Variants in SHMT1 observed in about 807,000 individuals in gnomAD.
SHMT1 encodes the protein serine hydroxymethyltransferase, cytosolic.
SHMT1 carries 45 observed loss-of-function variants against 49.0 expected under a neutral mutation model. That is an observed-to-expected ratio of 0.92 (90% CI 0.72 to 1.18). The LOEUF is 1.18. Among genes scored for constraint, SHMT1 ranks in the 50% most tolerant of loss-of-function variants. The pLI is 0.00. For missense variants in SHMT1, 541 were observed against 612.4 expected (o/e 0.88, Z 1.23); for synonymous variants, 232 against 246.6 (o/e 0.94, Z 0.55).
chr17:18,330,339 T>C (rs1983060307), intron 10 of SHMT1, among the ~76,000 whole-genome samples: 1 of 152,108 alleles, frequency 6.6e-6, no homozygotes, highest in Non-Finnish European at 1.5e-5. Context: ...TTTCACCATT[T>C]TGGCCAGGCT....
chr17:18,340,684 G>T lies in SHMT1; in HGVS notation c.601+48C>A. On this transcript the variant is annotated intron_variant, in intron 6 of 11. Transcript: ENST00000316694. The surrounding 1 kb of genome is among the most constrained non-coding windows in gnomAD (Gnocchi z 4.5). The stretch of plus-strand genomic sequence containing the variant: ...ATCTTTCCATCCTCATTCTGTAAGA[G>T]GCACCAGGCTACTGGTGAACAAGGT... 6.8e-7 allele frequency: 1 copy of T among 1,473,524 alleles called. No individual in the cohort carries two copies. The highest frequency in any genetic ancestry group is 9.4e-7 in the Non-Finnish European group (1 of 1,064,910). The allele number at this position is 1,473,524 out of a possible 1,614,324, so 91.3% of individuals were successfully genotyped here.
intron 7 of SHMT1, among the ~76,000 whole-genome samples, chr17:18,339,175 G>A (rs1436662263): frequency 1.3e-5 from 2 of 151,534 alleles, no homozygotes; most frequent in Non-Finnish European, 2.9e-5. Flanking sequence ...ACCACTAACA[G>A]GCTTTCCCAG....
intron 1 of SHMT1, among the ~76,000 whole-genome samples, chr17:18,361,031 G>A (rs1401593548): frequency 3.3e-5 from 5 of 151,904 alleles, no homozygotes; most frequent in East Asian, 3.9e-4. Flanking sequence ...TTAGCTGGGC[G>A]CAGTGGCTCA....
chr17:18,334,310 A>G (rs1357059551), intron 8 of SHMT1, among the ~76,000 whole-genome samples: 1 of 152,108 alleles, frequency 6.6e-6, no homozygotes, highest in Non-Finnish European at 1.5e-5. Context: ...GCTGGTCTCA[A>G]ACTCCTGGGC....
chr17:18,356,333 C>T (rs557529169), intron 1 of SHMT1, among the ~76,000 whole-genome samples: 16 of 151,018 alleles, frequency 1.1e-4, no homozygotes, highest in Non-Finnish European at 1.6e-4. Context: ...TCAGCCACCG[C>T]GCCCCACCTA....
chr17:18,347,748 G>A (rs1985244563), intron 4 of SHMT1, 92 bp from the exon 5 acceptor site: 1 of 1,448,192 alleles, frequency 6.9e-7, no homozygotes, highest in Non-Finnish European at 9.6e-7. Flanking sequence ...TCACCCAGGA[G>A]TGGCGAGAAC....
intron 3 of SHMT1, among the ~76,000 whole-genome samples, chr17:18,352,198 T>C (rs752391600): frequency 2.9e-4 from 42 of 145,372 alleles, no homozygotes; most frequent in Non-Finnish European, 5.4e-4. Flanking sequence ...CAGGCTAGAG[T>C]GCAGTGGCGC....
chr17:18,348,028 C>T (rs1420463585), intron 4 of SHMT1, among the ~76,000 whole-genome samples: 1 of 149,810 alleles, frequency 6.7e-6, no homozygotes, highest in African/African-American at 2.5e-5. Flanking sequence ...TCAAGCAATT[C>T]TCCTGCCTCA....
chr17:18,347,085 A>C (rs9910090), intron 5 of SHMT1, among the ~76,000 whole-genome samples: 39,584 of 152,118 alleles, frequency 0.26, 5,248 homozygotes, highest in East Asian at 0.3. Context: ...TAGCTACTGC[A>C]TCCTTGTGCT....
At chr17:18,333,946 A>AT (rs949797381) in intron 8 of SHMT1, among the ~76,000 whole-genome samples, 4 of 150,736 alleles carry the variant, frequency 2.7e-5, no homozygotes, top group Admixed American at 6.6e-5. Context: ...CACCTGGCTA[A>AT]TTTTTTTTGA....
Position 18,363,502 on chromosome 17 carries a change from G to T in SHMT1, c.-150C>A, listed in dbSNP as rs1467624281. On this transcript the variant is annotated 5_prime_UTR_variant, in exon 1 of 12. Coordinates refer to ENST00000316694, the MANE Select transcript of SHMT1 (RefSeq NM_004169.5). ...AACCCCAAACCCCGAACTTGGCGCT[G>T]GACCGCTCGAGCTCAGGAAGGTGCA... 1.3e-5 allele frequency: 2 copies of T among 152,682 alleles called. No individual in the cohort carries two copies. The highest frequency in any genetic ancestry group is 2.1e-4 in the South Asian group (1 of 4,842). The allele number at this position is 152,682 out of a possible 1,614,324, so 9.5% of individuals were successfully genotyped here. A position where few individuals can be genotyped will look rare whatever the true frequency, so the allele number is the denominator to read the frequency against.
At chr17:18,348,064 C>T (rs1462991488) in intron 4 of SHMT1, among the ~76,000 whole-genome samples, 1 of 152,136 alleles carries the variant, frequency 6.6e-6, no homozygotes, top group African/African-American at 2.4e-5. Flanking sequence ...GGATTACAGG[C>T]ATGTGCCACT....
intron 5 of SHMT1, among the ~76,000 whole-genome samples, chr17:18,346,443 T>C (rs997973759): frequency 3.9e-5 from 6 of 152,150 alleles, no homozygotes; most frequent in Non-Finnish European, 7.4e-5. Flanking sequence ...CAACTGTTTA[T>C]ACAGACGGGT....
chr17:18,349,839 G>A (rs1985496640), intron 3 of SHMT1, among the ~76,000 whole-genome samples: 1 of 151,852 alleles, frequency 6.6e-6, no homozygotes, highest in African/African-American at 2.4e-5. Context: ...TGACCAACAT[G>A]GAGAAACCCC....
intron 5 of SHMT1, among the ~76,000 whole-genome samples, chr17:18,342,494 TG>T (rs1228938800): frequency 6.6e-6 from 1 of 151,992 alleles, no homozygotes; most frequent in Non-Finnish European, 1.5e-5. Flanking sequence ...CTTATATTTT[TG>T]TAGAGATGGG....
At chr17:18,338,696 C>A (rs1984129713) in intron 7 of SHMT1, among the ~76,000 whole-genome samples, 1 of 152,180 alleles carries the variant, frequency 6.6e-6, no homozygotes, top group East Asian at 1.9e-4. Context: ...ATAGGAGATT[C>A]CATTTTGTTC....
At chr17:18,339,943 C>G in intron 7 of SHMT1, 100 bp downstream of exon 7, 1 of 1,173,604 alleles carries the variant, frequency 8.5e-7, no homozygotes, top group Non-Finnish European at 1.2e-6. Flanking sequence ...TCCAAGGATC[C>G]CAGGTCAGAG....
At chr17:18,354,312 G>A (rs986719884) in intron 2 of SHMT1, among the ~76,000 whole-genome samples, 16 of 152,148 alleles carry the variant, frequency 1.1e-4, no homozygotes, top group Non-Finnish European at 5.9e-5. Context: ...CCAGCTACTC[G>A]GGAGGCTGAG....
chr17:18,358,612 T>C (rs747505278), intron 1 of SHMT1, among the ~76,000 whole-genome samples: 1 of 152,018 alleles, frequency 6.6e-6, no homozygotes, highest in African/African-American at 2.4e-5. Context: ...AGTTAAAATA[T>C]GTACTTGGGC....
Sources: gnomAD v4.1 joint callset for allele counts (sites outside exome capture counted in the v4.1 genomes callset) on GRCh38, gnomAD v4.1.1 for gene constraint, Gnocchi (gnomAD v3.1) non-coding constraint, MANE v1.5 for transcripts, NCBI Gene and HGNC (gene_info 2026-07-23, HGNC 2026-07-21) for gene names.